The following GGACT variants were observed in gnomAD, a reference collection of about 807,000 sequenced individuals.
GGACT encodes the protein gamma-glutamylaminecyclotransferase.
For missense variants in GGACT, 241 were observed against 233.2 expected (o/e 1.03, Z -0.22); for synonymous variants, 118 against 115.3 (o/e 1.02, Z -0.15).
intron 2 of GGACT, among the ~76,000 whole-genome samples, chr13:100,581,157 T>C (rs1875406674): frequency 6.6e-6 from 1 of 152,180 alleles, no homozygotes. Flanking sequence ...CACACAGACA[T>C]TTCCTTGCTC....
At chr13:100,561,855 G>T (rs562444036) in intron 2 of GGACT, among the ~76,000 whole-genome samples, 2 of 152,346 alleles carry the variant, frequency 1.3e-5, no homozygotes, top group East Asian at 1.9e-4. Flanking sequence ...TTCCCAGAGT[G>T]GGGGAGTGGG....
intron 1 of GGACT, among the ~76,000 whole-genome samples, chr13:100,584,984 T>C (rs1225002297): frequency 6.6e-6 from 1 of 152,152 alleles, no homozygotes; most frequent in East Asian, 1.9e-4. Flanking sequence ...GTCAGATAAA[T>C]TTAGATTTAA....
At chr13:100,561,093 C>T (rs1054293881) in intron 2 of GGACT, among the ~76,000 whole-genome samples, 2 of 152,152 alleles carry the variant, frequency 1.3e-5, no homozygotes, top group East Asian at 3.9e-4. Flanking sequence ...GTGGCTACGC[C>T]CTCCTAAGTC....
chr13:100,549,903 A>G (rs1429392821), intron 2 of GGACT, among the ~76,000 whole-genome samples: 1 of 152,250 alleles, frequency 6.6e-6, no homozygotes, highest in East Asian at 1.9e-4. Flanking sequence ...AGATAAAAGC[A>G]TAGAATTCAA....
At chr13:100,548,136 G>A (rs1275495188) in intron 2 of GGACT, among the ~76,000 whole-genome samples, 8 of 152,230 alleles carry the variant, frequency 5.3e-5, no homozygotes, top group Admixed American at 5.2e-4. Context: ...GCTCCCAAAG[G>A]TCTGGATTGT....
intron 2 of GGACT, among the ~76,000 whole-genome samples, chr13:100,549,908 A>C (rs1428970944): frequency 1.3e-5 from 2 of 152,238 alleles, no homozygotes; most frequent in Admixed American, 1.3e-4. Context: ...AAAGCATAGA[A>C]TTCAAAATTA....
rs147611556 is a variant in GGACT, at chr13:100,548,899, T to C, written c.-10-16298A>G. Among the ~76,000 whole-genome samples, 111 of 152,334 alleles carry C rather than the reference T, an allele frequency of 7.3e-4. 3 individuals carry two copies. In the East Asian group the frequency reaches 0.019, roughly 27 times the overall value. On this transcript the variant is annotated intron_variant, in intron 2 of 2. Coordinates refer to ENST00000683975, the MANE Select transcript of GGACT (RefSeq NM_001195087.2). ...CAACCAGGGAGGCCACCACCCAACA[T>C]TGTGGAGCAGAATAAATGCATCAGC...
intron 2 of GGACT, among the ~76,000 whole-genome samples, chr13:100,558,105 A>G (rs902058920): frequency 6.6e-6 from 1 of 151,054 alleles, no homozygotes; most frequent in Non-Finnish European, 1.5e-5. Context: ...ACTTGAACCC[A>G]GGAGGCGGAG....
At position 100,531,911 on chromosome 13, in the gene GGACT, A is replaced by G. The variant is rs183500482; in HGVS notation, c.*219T>C. 2.4e-6 allele frequency: 1 copy of G among 422,702 alleles called. No individual in the cohort carries two copies. The highest frequency in any genetic ancestry group is 2.0e-5 in the African/African-American group (1 of 49,202). 26.2% of individuals were successfully genotyped at this position (422,702 alleles called of 1,614,324 possible). ...CTAAATGTCATTTAGGGGAGTTAAA[A>G]TCCTAAATTTTTCTTACCAGGTAGA... On this transcript the variant is annotated 3_prime_UTR_variant, in exon 3 of 3. Transcript: ENST00000683975.
chr13:100,530,540 A>G lies in GGACT; in HGVS notation c.*1590T>C. On this transcript the variant is annotated 3_prime_UTR_variant, in exon 3 of 3. Transcript: ENST00000683975. The stretch of plus-strand genomic sequence containing the variant: ...TGTGATCCTTTTAAGAGATTGATAT[A>G]AATGTCAGTCAGTTCTCTGCCTTGC... 2.8e-6 allele frequency: 1 copy of G among 351,856 alleles called. No individual in the cohort carries two copies. Among genetic ancestry groups the G allele is most frequent in the South Asian group, 2.6e-5 (1 of 38,340 alleles). The allele number at this position is 351,856 out of a possible 1,614,324, so 21.8% of individuals were successfully genotyped here. A position where few individuals can be genotyped will look rare whatever the true frequency, so the allele number is the denominator to read the frequency against.
chr13:100,552,394 AC>A (rs538924773), intron 2 of GGACT, among the ~76,000 whole-genome samples: 3 of 152,080 alleles, frequency 2.0e-5, no homozygotes, highest in Non-Finnish European at 4.4e-5. Context: ...TCTACACGCC[AC>A]CCCCCAACAT....
rs2088457028 is a variant in GGACT at position 100,534,129 on chromosome 13, C to T, written c.-10-1528G>A. ...TTTTCTTCTCAGCAAACAAGAGCTG[C>T]TCTGGGGGGTTCTAGGCCTCATTTT... On this transcript the variant is annotated intron_variant, in intron 2 of 2. Coordinates refer to ENST00000683975, the MANE Select transcript of GGACT (RefSeq NM_001195087.2). The surrounding 1 kb of genome is among the most constrained non-coding windows in gnomAD (Gnocchi z 4.9). Among the ~76,000 whole-genome samples the T allele has an allele frequency of 1.3e-5, 2 of 152,232 alleles. No individual in the cohort carries two copies. Among genetic ancestry groups the T allele is most frequent in the South Asian group, 4.1e-4 (2 of 4,834 alleles).
chr13:100,570,037 C>T (rs1485581026), intron 2 of GGACT, among the ~76,000 whole-genome samples: 1 of 152,258 alleles, frequency 6.6e-6, no homozygotes, highest in Non-Finnish European at 1.5e-5. Context: ...AAGTTCCACA[C>T]TTTCCCACAC....
At chr13:100,550,366 TC>T (rs2088650705) in intron 2 of GGACT, among the ~76,000 whole-genome samples, 3 of 127,692 alleles carry the variant, frequency 2.3e-5, no homozygotes, top group Admixed American at 8.1e-5. Flanking sequence ...CACTGGCCCT[TC>T]TAAGGAAACT....
At position 100,532,613 on chromosome 13, in the gene GGACT, G is replaced by A; in HGVS notation, c.-10-12C>T. The A allele has an allele frequency of 1.3e-6, 2 of 1,518,004 alleles. No individual in the cohort carries two copies. Among genetic ancestry groups the A allele is most frequent in the Non-Finnish European group, 1.8e-6 (2 of 1,126,262 alleles). The allele number at this position is 1,518,004 out of a possible 1,614,324, so 94.0% of individuals were successfully genotyped here. A position where few individuals can be genotyped will look rare whatever the true frequency, so the allele number is the denominator to read the frequency against. ...CCATCCGGGCAGAGCTGCAGGGAGA[G>A]GGGAAGTCACAGGTCAGCCCGCAGT... On this transcript the variant is annotated splice_polypyrimidine_tract_variant and intron_variant, in intron 2 of 2. Transcript: ENST00000683975.
intron 2 of GGACT, chr13:100,540,252 G>C (rs1049354477): frequency 5.5e-6 from 7 of 1,273,196 alleles, no homozygotes; most frequent in African/African-American, 1.5e-5. Flanking sequence ...TTGTCATCTT[G>C]GAGGCACGGA....
In GGACT at chr13:100,576,611, T is replaced by C. The variant is rs191077487; in HGVS notation, c.-11+7214A>G. ...CAGACGATGGCGATAAGAAAGGACA[T>C]ACACACAAACAAATCTCAAAGTTGT... On this transcript the variant is annotated intron_variant, in intron 2 of 2. Transcript: ENST00000683975. Among the ~76,000 whole-genome samples the C allele has an allele frequency of 3.3e-5, 5 of 152,332 alleles. No individual in the cohort carries two copies. In the East Asian group the frequency reaches 9.6e-4, roughly 29 times the overall value.
At chr13:100,535,106 G>A (rs2088472975) in intron 2 of GGACT, among the ~76,000 whole-genome samples, 1 of 152,190 alleles carries the variant, frequency 6.6e-6, no homozygotes, top group Non-Finnish European at 1.5e-5. Flanking sequence ...CAGGCTGGTG[G>A]CGATCTAGGA....
chr13:100,548,314 CT>C (rs1432530101), intron 2 of GGACT, among the ~76,000 whole-genome samples: 1 of 152,204 alleles, frequency 6.6e-6, no homozygotes. Context: ...TTAGAAACAT[CT>C]TAAGGTTGTA....
Sources: gnomAD v4.1 joint callset for allele counts (sites outside exome capture counted in the v4.1 genomes callset) on GRCh38, gnomAD v4.1.1 for gene constraint, Gnocchi (gnomAD v3.1) non-coding constraint, MANE v1.5 for transcripts, NCBI Gene and HGNC (gene_info 2026-07-23, HGNC 2026-07-21) for gene names.